The following TNFRSF21 variants were observed in gnomAD, a reference collection of about 807,000 sequenced individuals.
TNFRSF21 encodes the protein tumor necrosis factor receptor superfamily member 21.
TNFRSF21 carries 19 observed loss-of-function variants against 45.6 expected under a neutral mutation model. The ratio of observed to expected loss-of-function variants is 0.42; its 90% confidence interval spans 0.29 to 0.61. The LOEUF is 0.61. TNFRSF21 is among the 20% of genes least tolerant of loss of function. The pLI is 0.23. For synonymous variants in TNFRSF21, 314 were observed against 335.5 expected (o/e 0.94, Z 0.70); for missense variants, 737 against 851.5 (o/e 0.87, Z 1.67).
At chr6:47,264,977 A>G (rs182251358) in intron 3 of TNFRSF21, among the ~76,000 whole-genome samples, 74 of 152,342 alleles carry the variant, frequency 4.9e-4, no homozygotes, top group Admixed American at 1.3e-3. Context: ...ATCTGGGCTG[A>G]CAGACAGGAT....
intron 1 of TNFRSF21, among the ~76,000 whole-genome samples, chr6:47,291,404 A>C (rs372256622): frequency 2.0e-5 from 3 of 151,714 alleles, no homozygotes; most frequent in African/African-American, 7.3e-5. Flanking sequence ...AGAGTAGACA[A>C]GAAAACCCAG....
At chr6:47,307,573 T>C (rs921223322) in intron 1 of TNFRSF21, among the ~76,000 whole-genome samples, 1 of 152,088 alleles carries the variant, frequency 6.6e-6, no homozygotes, top group Non-Finnish European at 1.5e-5. Context: ...GGGGTCTCAC[T>C]ATGTTGCCCA....
intron 3 of TNFRSF21, among the ~76,000 whole-genome samples, chr6:47,253,752 T>G (rs1013994555): frequency 2.6e-5 from 4 of 152,124 alleles, no homozygotes; most frequent in Non-Finnish European, 5.9e-5. Context: ...GAAGGAATGA[T>G]CATGGAATTA....
In TNFRSF21 at chr6:47,253,496, T is replaced by A. The variant is rs1373358141; in HGVS notation, c.1269A>T (p.Ala423=). Residue 423 remains alanine, a synonymous_variant, in exon 4 of 6, where the codon GCA becomes GCT. Coordinates refer to ENST00000296861, the MANE Select transcript of TNFRSF21 (RefSeq NM_014452.5). ...CTTTCCACTGGCTTCCCACTTGGGC[T>A]GCTACAAGCTTCAGGATATCGATAC... is the stretch of plus-strand genomic sequence containing the variant. ...GHGIDILKLV[A]AQVGSQWKDI... 10 of 1,612,872 alleles carry A rather than the reference T, an allele frequency of 6.2e-6. No homozygotes were observed. In the African/African-American group the frequency reaches 1.1e-4, roughly 17 times the overall value.
chr6:47,276,039 T>C (rs573088755), intron 3 of TNFRSF21, among the ~76,000 whole-genome samples: 4 of 152,134 alleles, frequency 2.6e-5, no homozygotes, highest in Admixed American at 1.3e-4. Flanking sequence ...TGGGTTCAAG[T>C]CTCCTGATTT....
intron 3 of TNFRSF21, among the ~76,000 whole-genome samples, chr6:47,274,498 T>G (rs1218966241): frequency 6.6e-6 from 1 of 152,168 alleles, no homozygotes; most frequent in African/African-American, 2.4e-5. Context: ...TCAACATGGA[T>G]TAAAGATTTA....
At chr6:47,269,236 C>A (rs1442882422) in intron 3 of TNFRSF21, among the ~76,000 whole-genome samples, 1 of 151,190 alleles carries the variant, frequency 6.6e-6, no homozygotes, top group African/African-American at 2.5e-5. Context: ...AACACACACA[C>A]ACAAACACAC....
intron 3 of TNFRSF21, among the ~76,000 whole-genome samples, chr6:47,277,075 C>A (rs1320497610): frequency 6.6e-6 from 1 of 152,158 alleles, no homozygotes; most frequent in Non-Finnish European, 1.5e-5. Flanking sequence ...CTCACTGCAA[C>A]CTCTGCCTCC....
chr6:47,233,979 G>A (rs1218588522), intron 5 of TNFRSF21, among the ~76,000 whole-genome samples: 1 of 152,028 alleles, frequency 6.6e-6, no homozygotes, highest in Non-Finnish European at 1.5e-5. Context: ...GTATTTTTAA[G>A]TCACTAAAAC....
At chr6:47,254,280 C>G (rs1009766083) in intron 3 of TNFRSF21, among the ~76,000 whole-genome samples, 1 of 152,174 alleles carries the variant, frequency 6.6e-6, no homozygotes, top group Non-Finnish European at 1.5e-5. Context: ...TTCCCTTCCC[C>G]AGCAGGACAG....
Position 47,284,357 on chromosome 6 carries a change from A to T in TNFRSF21, c.824T>A (p.Val275Asp), listed in dbSNP as rs749965492. Reference sequence around the variant, plus strand: ...CCTTGCTGAGCTTGTGTTGTCAGGGACTGTCCCTTCCTGGATGCTACTCAG... The same window carrying T: ...CCTTGCTGAGCTTGTGTTGTCAGGGTCTGTCCCTTCCTGGATGCTACTCAG... ...KVLSSIQEGTVPDNTSSARGK... is the reference protein window; with the variant it reads ...KVLSSIQEGTDPDNTSSARGK... Residue 275 changes from valine (V) to aspartate (D), a missense_variant, in exon 3 of 6, where the codon GTC (valine) becomes GAC (aspartate). Physicochemically the swap from Val to Asp is radical, Grantham distance 152. Coordinates refer to ENST00000296861, the MANE Select transcript of TNFRSF21 (RefSeq NM_014452.5). 6.4e-7 allele frequency: 1 copy of T among 1,571,164 alleles called. No individual in the cohort carries two copies. Among genetic ancestry groups the T allele is most frequent in the East Asian group, 2.2e-5 (1 of 44,636 alleles).
intron 4 of TNFRSF21, among the ~76,000 whole-genome samples, chr6:47,235,488 C>T (rs906198884): frequency 6.6e-6 from 1 of 152,142 alleles, no homozygotes; most frequent in Non-Finnish European, 1.5e-5. Flanking sequence ...AGAGAGAGAC[C>T]TCAGAAGACA....
intron 4 of TNFRSF21, among the ~76,000 whole-genome samples, chr6:47,236,032 T>C (rs1764662317): frequency 1.3e-5 from 2 of 152,216 alleles, no homozygotes; most frequent in South Asian, 4.2e-4. Context: ...TGGCTTGTAC[T>C]GGGGGTGTGC....
At chr6:47,256,634 T>C (rs1469730205) in intron 3 of TNFRSF21, among the ~76,000 whole-genome samples, 3 of 152,216 alleles carry the variant, frequency 2.0e-5, no homozygotes, top group Non-Finnish European at 4.4e-5. Context: ...ACCAAGTCCT[T>C]TTCAGTTTTC....
At chr6:47,286,854 T>A (rs995658499) in intron 1 of TNFRSF21, among the ~76,000 whole-genome samples, 7 of 152,204 alleles carry the variant, frequency 4.6e-5, no homozygotes, top group Non-Finnish European at 7.3e-5. Flanking sequence ...CTTCCTTTTT[T>A]TCCATTTGTA....
At chr6:47,241,371 G>A (rs1764740698) in intron 4 of TNFRSF21, among the ~76,000 whole-genome samples, 2 of 152,000 alleles carry the variant, frequency 1.3e-5, no homozygotes, top group South Asian at 2.1e-4. Flanking sequence ...TAAAAAAAAA[G>A]TTTCAGATGA....
chr6:47,249,496 G>A (rs1764870670), intron 4 of TNFRSF21, among the ~76,000 whole-genome samples: 1 of 152,064 alleles, frequency 6.6e-6, no homozygotes, highest in Non-Finnish European at 1.5e-5. Flanking sequence ...GTTTACTGCT[G>A]GAAACCTACA....
intron 1 of TNFRSF21, among the ~76,000 whole-genome samples, chr6:47,301,273 G>A (rs951097051): frequency 2.0e-4 from 30 of 152,148 alleles, no homozygotes; most frequent in African/African-American, 6.8e-4. Context: ...TCAGGACATT[G>A]AGCCAGAAAC....
chr6:47,299,469 T>G (rs970681911), intron 1 of TNFRSF21, among the ~76,000 whole-genome samples: 1 of 152,146 alleles, frequency 6.6e-6, no homozygotes, highest in African/African-American at 2.4e-5. Context: ...CACACCAGCC[T>G]GGGGGACAGA....
Sources: allele counts gnomAD v4.1 joint callset (sites outside exome capture counted in the v4.1 genomes callset), GRCh38; gene constraint gnomAD v4.1.1; transcripts MANE v1.5; gene names NCBI Gene and HGNC (gene_info 2026-07-23, HGNC 2026-07-21).